TBC1D5: variants seen among roughly 807,000 people sequenced by gnomAD.
TBC1D5 encodes the protein TBC1 domain family, member 5.
A neutral mutation model predicts 100.3 loss-of-function variants in TBC1D5; 75 were observed. The observed-to-expected ratio is 0.75, with a 90% CI of 0.62 to 0.91. TBC1D5 has a LOEUF of 0.91. Ranked by LOEUF, TBC1D5 falls within the 40% of genes least tolerant of loss-of-function variation. TBC1D5 has a pLI of 0.00. For missense variants in TBC1D5, 910 were observed against 942.4 expected, an observed-to-expected ratio of 0.97 and a Z score of 0.45; for synonymous variants, 323 against 325.6, an observed-to-expected ratio of 0.99 and a Z score of 0.09.
chr3:17,217,702 T>C (rs1162591973), intron 17 of TBC1D5, among the ~76,000 whole-genome samples: 1 of 152,142 alleles, frequency 6.6e-6, no homozygotes, highest in Non-Finnish European at 1.5e-5. Context: ...CTTTTGCCCA[T>C]TTAAAAAGTT....
intron 13 of TBC1D5, among the ~76,000 whole-genome samples, chr3:17,319,557 G>C (rs1297367492): frequency 2.6e-5 from 4 of 151,816 alleles, no homozygotes; most frequent in African/African-American, 9.7e-5. Flanking sequence ...CCTTCCCAAG[G>C]GTAGCCAATG....
intron 15 of TBC1D5, among the ~76,000 whole-genome samples, chr3:17,264,916 TAACA>T (rs2078694474): frequency 6.6e-6 from 1 of 152,214 alleles, no homozygotes; most frequent in Non-Finnish European, 1.5e-5. Flanking sequence ...AAATTCATGA[TAACA>T]AATAGGTGGA....
chr3:17,328,144 C>T (rs1384502984), intron 13 of TBC1D5, among the ~76,000 whole-genome samples: 1 of 151,988 alleles, frequency 6.6e-6, no homozygotes, highest in African/African-American at 2.4e-5. Flanking sequence ...GTGGTACACA[C>T]CTATAGTCCC....
At chr3:17,578,146 T>C (rs954389791) in intron 2 of TBC1D5, among the ~76,000 whole-genome samples, 2 of 152,060 alleles carry the variant, frequency 1.3e-5, no homozygotes, top group Non-Finnish European at 2.9e-5. Flanking sequence ...ATGAAATAAA[T>C]TGTGTGTTTT....
intron 2 of TBC1D5, among the ~76,000 whole-genome samples, chr3:17,533,915 C>G (rs887678459): frequency 7.3e-6 from 1 of 136,348 alleles, no homozygotes; most frequent in Non-Finnish European, 1.5e-5. Flanking sequence ...TAGATAGATT[C>G]ATTTCATATT....
In TBC1D5 at chr3:17,185,096, G is replaced by A. The variant is rs1161511885; in HGVS notation, c.1852+13C>T. 2 of 1,609,668 alleles carry A rather than the reference G, an allele frequency of 1.2e-6. No homozygotes were observed. The highest frequency in any genetic ancestry group is 1.1e-5 in the South Asian group (1 of 90,500). ...GAGTCTCATCGTTCCCAGGGCCAAA[G>A]TAATTCACTTACCAAGATGAGTGTC... On this transcript the variant is annotated intron_variant, in intron 19 of 21. Coordinates refer to ENST00000253692, the Ensembl canonical transcript of TBC1D5.
At chr3:17,630,879 C>CA (rs35001269) in intron 1 of TBC1D5, among the ~76,000 whole-genome samples, 87,611 of 126,756 alleles carry the variant, frequency 0.69, 29,186 homozygotes, top group African/African-American at 0.75. Flanking sequence ...ACTAAAAATA[C>CA]AAAAAAAAAA....
intron 8 of TBC1D5, among the ~76,000 whole-genome samples, chr3:17,386,321 A>C (rs74400248): frequency 0.039 from 5,931 of 152,194 alleles, 170 homozygotes; most frequent in African/African-American, 0.08. Flanking sequence ...TAGCTGTTAT[A>C]ATCTAAAATT....
At chr3:17,616,801 C>G (rs2062204216) in intron 2 of TBC1D5, among the ~76,000 whole-genome samples, 1 of 152,084 alleles carries the variant, frequency 6.6e-6, no homozygotes, top group Non-Finnish European at 1.5e-5. Context: ...TGAGATGGGT[C>G]TCCTGAATAC....
chr3:17,612,098 G>GAGAC (rs766085190), intron 2 of TBC1D5, among the ~76,000 whole-genome samples: 4 of 151,948 alleles, frequency 2.6e-5, no homozygotes, highest in Non-Finnish European at 4.4e-5. Context: ...CCAGGAGTAG[G>GAGAC]AGACCAGCCT....
At chr3:17,350,258 A>G (rs1416514249) in intron 13 of TBC1D5, among the ~76,000 whole-genome samples, 5 of 152,168 alleles carry the variant, frequency 3.3e-5, no homozygotes, top group Admixed American at 2.0e-4. Flanking sequence ...AAAAAAATAG[A>G]TAAGAAAAAA....
At chr3:17,359,713 G>C (rs2091531660) in intron 13 of TBC1D5, among the ~76,000 whole-genome samples, 1 of 151,926 alleles carries the variant, frequency 6.6e-6, no homozygotes, top group African/African-American at 2.4e-5. Flanking sequence ...AGTGATACAG[G>C]TTAGCTTAAT....
intron 1 of TBC1D5, among the ~76,000 whole-genome samples, chr3:17,697,571 G>C (rs974356826): frequency 1.3e-5 from 2 of 152,120 alleles, no homozygotes; most frequent in African/African-American, 4.8e-5. Flanking sequence ...CTTCTTCAAG[G>C]AGAACTACAA....
chr3:17,651,697 C>CA (rs751334144), intron 1 of TBC1D5, among the ~76,000 whole-genome samples: 2,428 of 141,772 alleles, frequency 0.017, 32 homozygotes, highest in Non-Finnish European at 0.026. Context: ...AGACTCGTCT[C>CA]AAAAAAAAAA....
chr3:17,348,967 C>T (rs1477487360), intron 13 of TBC1D5, among the ~76,000 whole-genome samples: 2 of 152,096 alleles, frequency 1.3e-5, no homozygotes, highest in African/African-American at 4.8e-5. Context: ...CAAATTCTAT[C>T]ATTACCTTGC....
chr3:17,665,098 T>A (rs1422698093), intron 1 of TBC1D5: 1 of 142,600 alleles, frequency 7.0e-6, no homozygotes, highest in Non-Finnish European at 1.5e-5. Flanking sequence ...AGGAAGCATC[T>A]CAGTGGCAGG....
At chr3:17,257,905 A>G (rs925235666) in intron 16 of TBC1D5, among the ~76,000 whole-genome samples, 5 of 152,192 alleles carry the variant, frequency 3.3e-5, no homozygotes, top group African/African-American at 1.2e-4. Flanking sequence ...CTAATTTGAA[A>G]TGATTCTGGT....
chr3:17,279,009 C>T (rs140876636), intron 15 of TBC1D5, among the ~76,000 whole-genome samples: 5 of 152,126 alleles, frequency 3.3e-5, no homozygotes, highest in Admixed American at 1.3e-4. Flanking sequence ...CCAAATTATC[C>T]ACATCATGAA....
At position 17,417,965 on chromosome 3, in the gene TBC1D5, G is replaced by A. The variant is rs182916203; in HGVS notation, c.167+10485C>T. 9.9e-5 allele frequency among the ~76,000 whole-genome samples: 15 copies of A among 152,184 alleles called. No individual in the cohort carries two copies. The South Asian group carries it at 2.3e-3, about 23-fold the overall frequency. On this transcript the variant is annotated intron_variant, in intron 4 of 21. Coordinates refer to ENST00000253692, the Ensembl canonical transcript of TBC1D5. ...CTAATGGGTTGAGACACTTGGGCAC[G>A]TCATCTGCATTAGTTTCCTAATCTG...
Sources: allele counts gnomAD v4.1 joint callset (sites outside exome capture counted in the v4.1 genomes callset), GRCh38; gene constraint gnomAD v4.1.1; transcripts MANE v1.5; gene names NCBI Gene and HGNC (gene_info 2026-07-23, HGNC 2026-07-21).